The following SASH1 variants were observed in gnomAD, a reference collection of about 807,000 sequenced individuals.
SASH1 encodes the protein SAM and SH3 domain containing 1.
In SASH1, 44 loss-of-function variants were observed where a neutral mutation model predicts 125.2. The ratio of observed to expected loss-of-function variants is 0.35; its 90% confidence interval spans 0.28 to 0.45. The LOEUF (loss-of-function observed/expected upper bound fraction) is 0.45. Among genes scored for constraint, SASH1 ranks in the 20% least tolerant of loss-of-function variants. The pLI is 1.00. For synonymous variants in SASH1, 639 were observed against 649.1 expected (o/e 0.98, Z 0.24); for missense variants, 1,426 against 1,614.5 (o/e 0.88, Z 2.00).
chr6:148,265,363 C>A, the SASH1 span, among the ~76,000 whole-genome samples: 4 of 126,906 alleles, frequency 3.2e-5, no homozygotes, highest in Non-Finnish European at 6.5e-5. Context: ...GAAGGAGGGA[C>A]GGAGGGAGGG....
chr6:148,370,377 A>G (rs1005480862), intron 1 of SASH1, among the ~76,000 whole-genome samples: 1 of 152,236 alleles, frequency 6.6e-6, no homozygotes, highest in African/African-American at 2.4e-5. Flanking sequence ...TACTGGTCCC[A>G]GCATCTAGTC....
At chr6:148,438,511 A>G (rs1354801292) in intron 2 of SASH1, among the ~76,000 whole-genome samples, 1 of 152,178 alleles carries the variant, frequency 6.6e-6, no homozygotes, top group East Asian at 1.9e-4. Context: ...AGCGGCAGCA[A>G]TGAAAACCAG....
At chr6:148,530,159 A>T (rs1440589206) in intron 12 of SASH1, among the ~76,000 whole-genome samples, 1 of 152,040 alleles carries the variant, frequency 6.6e-6, no homozygotes, top group Non-Finnish European at 1.5e-5. Flanking sequence ...TATGGTAGGG[A>T]TATTTGTTTT....
intron 19 of SASH1, among the ~76,000 whole-genome samples, chr6:148,547,314 G>A (rs1024498264): frequency 2.0e-5 from 3 of 152,308 alleles, no homozygotes; most frequent in South Asian, 4.2e-4. Flanking sequence ...TGTAGGCAGC[G>A]TGGATTTGTT....
chr6:148,369,810 T>C (rs1374694080), intron 1 of SASH1, among the ~76,000 whole-genome samples: 4 of 150,746 alleles, frequency 2.7e-5, no homozygotes, highest in Non-Finnish European at 1.5e-5. Flanking sequence ...AAAAATTAGC[T>C]GGGTGTGGTG....
At chr6:148,268,786 C>A (rs995595287), upstream of SASH1, among the ~76,000 whole-genome samples, 4 of 152,122 alleles carry the variant, frequency 2.6e-5, no homozygotes, top group Non-Finnish European at 5.9e-5. Context: ...ATATTTATTT[C>A]TAAGCTTTTT....
intron 12 of SASH1, 50 bp from the exon 13 acceptor site, chr6:148,531,476 A>C: frequency 7.2e-7 from 1 of 1,398,384 alleles, no homozygotes. Flanking sequence ...TTACAAAACA[A>C]CACCTGTCCA....
chr6:148,335,191 G>T (rs1296383540), intron 1 of SASH1, among the ~76,000 whole-genome samples: 1 of 151,194 alleles, frequency 6.6e-6, no homozygotes, highest in African/African-American at 2.4e-5. Context: ...CTAGCTACTT[G>T]CGAGGCTGAG....
intron 6 of SASH1, among the ~76,000 whole-genome samples, chr6:148,472,545 T>G (rs1480167197): frequency 6.6e-6 from 1 of 152,000 alleles, no homozygotes; most frequent in Non-Finnish European, 1.5e-5. Flanking sequence ...ATGTGGATTT[T>G]TAAAGAACCC....
intron 1 of SASH1, among the ~76,000 whole-genome samples, chr6:148,307,779 A>G (rs1396917285): frequency 6.6e-6 from 1 of 152,172 alleles, no homozygotes; most frequent in Non-Finnish European, 1.5e-5. Flanking sequence ...TTTGGTGGAA[A>G]GCAAATCACT....
chr6:148,205,538 C>A, the SASH1 span, among the ~76,000 whole-genome samples: 1 of 152,060 alleles, frequency 6.6e-6, no homozygotes, highest in Non-Finnish European at 1.5e-5. Flanking sequence ...TGTCTCTATA[C>A]CCCTATAATG....
intron 1 of SASH1, among the ~76,000 whole-genome samples, chr6:148,290,434 G>A (rs1267008733): frequency 2.6e-5 from 4 of 151,236 alleles, no homozygotes; most frequent in South Asian, 2.1e-4. Flanking sequence ...GTGAAACCCC[G>A]TCTCTATTAA....
At chr6:148,284,074 G>T (rs1353174985) in intron 1 of SASH1, among the ~76,000 whole-genome samples, 1 of 152,000 alleles carries the variant, frequency 6.6e-6, no homozygotes, top group African/African-American at 2.4e-5. Context: ...ACCACTATAG[G>T]AACCTACCCG....
At chr6:148,390,317 CT>C (rs1420356628) in intron 2 of SASH1, 55 bp downstream of exon 2, 16 of 1,564,768 alleles carry the variant, frequency 1.0e-5, no homozygotes, top group Admixed American at 3.7e-5. Flanking sequence ...CCAATTTGGG[CT>C]TTTCCTTGGT....
chr6:148,486,001 A>G (rs371502260), intron 7 of SASH1, among the ~76,000 whole-genome samples: 1 of 152,216 alleles, frequency 6.6e-6, no homozygotes, highest in Non-Finnish European at 1.5e-5. Flanking sequence ...ACTCTCTCAC[A>G]TATGCCATTC....
intron 2 of SASH1, among the ~76,000 whole-genome samples, chr6:148,439,939 C>T (rs918988971): frequency 4.0e-5 from 6 of 151,806 alleles, no homozygotes; most frequent in African/African-American, 1.5e-4. Context: ...TTTTTTTCTT[C>T]TGAAATAAAA....
rs891640121 is a variant in SASH1, at chr6:148,321,604, A to G, written n.74+49227A>G. Among the ~76,000 whole-genome samples the G allele has an allele frequency of 7.2e-5, 11 of 152,318 alleles. No homozygotes were observed. The Middle Eastern group carries it at 0.014, about 188-fold the overall frequency. ...AAGTAATGGCAAAAACTGTGATTAC[A>G]TTCATACCAGCCTACTTATGTGTCT... On this transcript the variant is annotated intron_variant and non_coding_transcript_variant, in intron 1 of 3. Transcript: ENST00000367469.
At position 148,351,484 on chromosome 6, in the gene SASH1, G is replaced by A. The variant is rs559150391; in HGVS notation, c.156+8261G>A. On this transcript the variant is annotated intron_variant, in intron 1 of 19. Transcript: ENST00000367467. ...GTAGTGAGTGAGGAAGTTTCCATGT[G>A]TCCACCCATCACTCTGCCTGGTTGT... Among the ~76,000 whole-genome samples the A allele has an allele frequency of 7.2e-5, 11 of 151,934 alleles. No individual in the cohort carries two copies. The South Asian group carries it at 2.1e-3, about 29-fold the overall frequency.
rs1780641212 is a variant in SASH1, at chr6:148,519,117, A to G, written c.863-430A>G. Among the ~76,000 whole-genome samples the G allele has an allele frequency of 6.6e-6, 1 of 152,224 alleles. No homozygotes were observed. Among genetic ancestry groups the G allele is most frequent in the Admixed American group, 6.5e-5 (1 of 15,284 alleles). ...AATCACTGTCAGCCACATGACATTTATCACACTCCAACTATAAAAAGCGAC... is the reference window on the plus strand; with the variant it reads ...AATCACTGTCAGCCACATGACATTTGTCACACTCCAACTATAAAAAGCGAC... On this transcript the variant is annotated intron_variant, in intron 9 of 19. Coordinates refer to ENST00000367467, the MANE Select transcript of SASH1 (RefSeq NM_015278.5). This position sits in a 1 kb window ranked among gnomAD's most constrained non-coding sequence, Gnocchi z 4.8.
Sources: allele counts gnomAD v4.1 joint callset (sites outside exome capture counted in the v4.1 genomes callset), GRCh38; gene constraint gnomAD v4.1.1; non-coding constraint Gnocchi (gnomAD v3.1); transcripts MANE v1.5; gene names NCBI Gene and HGNC (gene_info 2026-07-23, HGNC 2026-07-21).